Variants in FREM3 observed in about 807,000 individuals in gnomAD.
FREM3 encodes FRAS1 related extracellular matrix 3.
FREM3 carries 105 observed loss-of-function variants against 129.1 expected under a neutral mutation model. The observed-to-expected ratio is 0.81, with a 90% CI of 0.69 to 0.96. The LOEUF is 0.96. Among genes scored for constraint, FREM3 ranks in the 40% least tolerant of loss-of-function variants. The pLI is 0.00. For synonymous variants in FREM3, 1,014 were observed against 1,044.9 expected (o/e 0.97, Z 0.57); for missense variants, 2,593 against 2,666.3 (o/e 0.97, Z 0.61).
chr4:143,604,660 C>T (rs1404075366), intron 6 of FREM3, among the ~76,000 whole-genome samples: 1 of 152,142 alleles, frequency 6.6e-6, no homozygotes, highest in Non-Finnish European at 1.5e-5. Context: ...TGAAAGGTAA[C>T]TAGAAGCCAA....
chr4:143,618,419 A>G (rs901419000), intron 5 of FREM3, among the ~76,000 whole-genome samples: 1 of 152,002 alleles, frequency 6.6e-6, no homozygotes, highest in African/African-American at 2.4e-5. Flanking sequence ...AAAGAAAAAG[A>G]AAAAATAGGA....
intron 2 of FREM3, among the ~76,000 whole-genome samples, chr4:143,675,779 T>C (rs1740107179): frequency 6.6e-6 from 1 of 152,114 alleles, no homozygotes; most frequent in Admixed American, 6.5e-5. Flanking sequence ...GCAAATAAAC[T>C]AGAAAATCTA....
chr4:143,634,015 T>C (rs1739187947), intron 2 of FREM3, among the ~76,000 whole-genome samples: 4 of 151,994 alleles, frequency 2.6e-5, no homozygotes, highest in African/African-American at 9.7e-5. Flanking sequence ...GTAAAAAAAA[T>C]GACTCACAGA....
chr4:143,584,341 G>A (rs535028138), intron 7 of FREM3, among the ~76,000 whole-genome samples: 12 of 151,494 alleles, frequency 7.9e-5, no homozygotes, highest in South Asian at 2.1e-4. Flanking sequence ...CCCGGGAAGC[G>A]GAGCTTGCAG....
At chr4:143,689,700 G>A (rs1740431354) in intron 2 of FREM3, among the ~76,000 whole-genome samples, 1 of 152,038 alleles carries the variant, frequency 6.6e-6, no homozygotes, top group African/African-American at 2.4e-5. Flanking sequence ...ATACTATGCA[G>A]CCATAAAAGG....
chr4:143,617,775 A>G (rs965173960), intron 5 of FREM3, among the ~76,000 whole-genome samples: 2 of 152,208 alleles, frequency 1.3e-5, no homozygotes, highest in Non-Finnish European at 2.9e-5. Context: ...CACTGAAAGG[A>G]TGTGCCTAAT....
intron 2 of FREM3, among the ~76,000 whole-genome samples, chr4:143,628,726 A>G (rs1739088889): frequency 6.6e-6 from 1 of 152,186 alleles, no homozygotes; most frequent in African/African-American, 2.4e-5. Flanking sequence ...AATCCCTATT[A>G]TCACCAAAAA....
At chr4:143,591,590 C>G (rs1346316778) in intron 6 of FREM3, among the ~76,000 whole-genome samples, 1 of 152,180 alleles carries the variant, frequency 6.6e-6, no homozygotes, top group African/African-American at 2.4e-5. Context: ...TTTGATTGCA[C>G]TGTGGTCTGA....
At chr4:143,682,040 C>A (rs1167104295) in intron 2 of FREM3, among the ~76,000 whole-genome samples, 1 of 152,102 alleles carries the variant, frequency 6.6e-6, no homozygotes, top group African/African-American at 2.4e-5. Context: ...GGGTTTAAGG[C>A]AGTATCCCAC....
intron 2 of FREM3, among the ~76,000 whole-genome samples, chr4:143,646,994 G>A (rs1306452425): frequency 1.3e-5 from 2 of 152,166 alleles, no homozygotes; most frequent in Non-Finnish European, 2.9e-5. Flanking sequence ...CTCAGAAGAA[G>A]ACAGGAAGGT....
chr4:143,621,201 AT>A, intron 4 of FREM3, 39 bp from the exon 5 acceptor site: 1 of 1,532,460 alleles, frequency 6.5e-7, no homozygotes, highest in Non-Finnish European at 8.7e-7. Context: ...CAAGATTTAG[AT>A]TTGATCGGTG....
chr4:143,597,818 T>C (rs1738509101), intron 6 of FREM3, among the ~76,000 whole-genome samples: 1 of 152,194 alleles, frequency 6.6e-6, no homozygotes, highest in South Asian at 2.1e-4. Flanking sequence ...AAAACATCCA[T>C]TCTACTGAAG....
At position 143,695,681 on chromosome 4, in the gene FREM3, G is replaced by A. The variant is rs1740552580; in HGVS notation, c.4995C>T (p.Asn1665=). Residue 1665 remains asparagine, a synonymous_variant, in exon 1 of 8, where the codon AAC becomes AAT. Coordinates refer to ENST00000329798, the MANE Select transcript of FREM3 (RefSeq NM_001168235.2). ...GGCGCTTCAAGGCTGGGGCACCCCT[G>A]TTGGTAGTAATCTGGGGAAGCCTAT... The part of the protein sequence containing the change: ...LDNRLPQITT[N]RGAPALKRLH... 1 of 1,537,228 alleles carries A rather than the reference G, an allele frequency of 6.5e-7. No individual in the cohort carries two copies. Among genetic ancestry groups the A allele is most frequent in the Non-Finnish European group, 8.7e-7 (1 of 1,146,908 alleles).
intron 2 of FREM3, among the ~76,000 whole-genome samples, chr4:143,636,354 G>T (rs1350448759): frequency 1.6e-5 from 2 of 124,608 alleles, no homozygotes; most frequent in East Asian, 2.3e-4. Context: ...AAAAAAAAAA[G>T]ACATGGAGAG....
At chr4:143,673,090 C>T (rs1740030968) in intron 2 of FREM3, among the ~76,000 whole-genome samples, 1 of 152,224 alleles carries the variant, frequency 6.6e-6, no homozygotes. Flanking sequence ...CTTCTCTCAA[C>T]TCGTCAAAGT....
intron 2 of FREM3, among the ~76,000 whole-genome samples, chr4:143,688,923 C>G (rs1740416894): frequency 1.3e-5 from 2 of 152,144 alleles, no homozygotes; most frequent in Admixed American, 6.5e-5. Flanking sequence ...TATAAAAATT[C>G]TAGAAGATAA....
At chr4:143,665,126 G>A (rs1228773622) in intron 2 of FREM3, among the ~76,000 whole-genome samples, 1 of 152,070 alleles carries the variant, frequency 6.6e-6, no homozygotes, top group Non-Finnish European at 1.5e-5. Flanking sequence ...GCACTCCCTA[G>A]TGAGATGAAT....
Position 143,585,614 on chromosome 4 carries a change from A to T in FREM3, c.6178+230T>A, listed in dbSNP as rs1440879460. Among the ~76,000 whole-genome samples the T allele has an allele frequency of 6.6e-6, 1 of 152,234 alleles. No individual in the cohort carries two copies. The highest frequency in any genetic ancestry group is 1.5e-5 in the Non-Finnish European group (1 of 68,042). On this transcript the variant is annotated intron_variant, in intron 7 of 7. Transcript: ENST00000329798. This position sits in a 1 kb window ranked among gnomAD's most constrained non-coding sequence, Gnocchi z 4.2. Reference sequence around the variant, plus strand: ...ACTTTGGAAAAATTAATGTGAGCCCATGACAAGCCAGTGGGTAATAAATGA... The same window carrying T: ...ACTTTGGAAAAATTAATGTGAGCCCTTGACAAGCCAGTGGGTAATAAATGA...
chr4:143,615,905 C>T (rs1175653609), intron 5 of FREM3, among the ~76,000 whole-genome samples: 2 of 152,106 alleles, frequency 1.3e-5, no homozygotes, highest in Non-Finnish European at 2.9e-5. Context: ...GGCAAGGGCA[C>T]CTCACAGAGC....
Sources: allele counts gnomAD v4.1 joint callset (sites outside exome capture counted in the v4.1 genomes callset), GRCh38; gene constraint gnomAD v4.1.1; non-coding constraint Gnocchi (gnomAD v3.1); transcripts MANE v1.5; gene names NCBI Gene and HGNC (gene_info 2026-07-23, HGNC 2026-07-21).